The following EZH2 variants were observed in gnomAD, a reference collection of about 807,000 sequenced individuals.
EZH2 encodes the protein enhancer of zeste 2 polycomb repressive complex 2 subunit.
EZH2 carries 18 observed loss-of-function variants against 98.4 expected under a neutral mutation model. That is an observed-to-expected ratio of 0.18 (90% confidence interval 0.13 to 0.27). The LOEUF (loss-of-function observed/expected upper bound fraction) is 0.27, where lower values mean the gene tolerates loss of function less well. Among genes scored for constraint, EZH2 ranks in the 10% least tolerant of loss-of-function variants. EZH2 has a pLI of 1.00. For synonymous variants in EZH2, 338 were observed against 312.3 expected (o/e 1.08, Z -0.87); for missense variants, 470 against 935.1 (o/e 0.50, Z 6.49).
chr7:148,828,483 T>C (rs572165997), intron 6 of EZH2, among the ~76,000 whole-genome samples: 85 of 152,146 alleles, frequency 5.6e-4, no homozygotes, highest in African/African-American at 2.0e-3. Context: ...AGAGATGGGG[T>C]CTCACTATGT....
intron 3 of EZH2, among the ~76,000 whole-genome samples, chr7:148,839,840 C>T (rs1811984518): frequency 6.6e-6 from 1 of 152,152 alleles, no homozygotes. Flanking sequence ...AGCCACTGCA[C>T]CCAGCCAAAA....
At chr7:148,867,343 A>C (rs977654369) in intron 1 of EZH2, among the ~76,000 whole-genome samples, 10 of 152,014 alleles carry the variant, frequency 6.6e-5, no homozygotes, top group African/African-American at 2.4e-4. Flanking sequence ...TAAATAAATA[A>C]ATAATTTTAA....
chr7:148,818,235 T>A, intron 9 of EZH2, 118 bp from the exon 10 acceptor site: 1 of 1,043,410 alleles, frequency 9.6e-7, no homozygotes, highest in Non-Finnish European at 1.4e-6. Context: ...TATCCATTTA[T>A]CACAAATAAT....
intron 5 of EZH2, 101 bp downstream of exon 5, chr7:148,829,627 T>C (rs537256419): frequency 1.5e-6 from 2 of 1,331,550 alleles, no homozygotes; most frequent in Non-Finnish European, 2.1e-6. Context: ...CAAAACTTAA[T>C]TTTAATATTA....
At position 148,815,418 on chromosome 7, in the gene EZH2, A is replaced by G; in HGVS notation, c.1546+88T>C. The stretch of plus-strand genomic sequence containing the variant: ...GAAGGCAATTATATTAGAATAACCC[A>G]AGCTCTAATCCAGTTACTATTCTAA... On this transcript the variant is annotated intron_variant, in intron 13 of 19. Coordinates refer to ENST00000320356, the MANE Select transcript of EZH2 (RefSeq NM_004456.5). The G allele has an allele frequency of 2.2e-6, 3 of 1,361,864 alleles. No individual in the cohort carries two copies. The Admixed American group carries it at 5.1e-5, about 23-fold the overall frequency. The allele number at this position is 1,361,864 out of a possible 1,614,324, so 84.4% of individuals were successfully genotyped here. A position where few individuals can be genotyped will look rare whatever the true frequency, so the allele number is the denominator to read the frequency against.
intron 14 of EZH2, 88 bp from the exon 15 acceptor site, chr7:148,814,225 T>A (rs1457506150): frequency 1.1e-5 from 13 of 1,192,284 alleles, no homozygotes; most frequent in Non-Finnish European, 1.6e-5. Flanking sequence ...ACTGGGCATC[T>A]CACTGACTCT....
intron 1 of EZH2, among the ~76,000 whole-genome samples, chr7:148,875,786 C>T (rs1438045347): frequency 1.3e-5 from 2 of 152,194 alleles, no homozygotes; most frequent in African/African-American, 4.8e-5. Context: ...CAACAGCTGA[C>T]AACAGTCCTA....
chr7:148,877,597 G>A (rs1050068972), intron 1 of EZH2, among the ~76,000 whole-genome samples: 2 of 152,086 alleles, frequency 1.3e-5, no homozygotes, highest in Admixed American at 6.6e-5. Context: ...GACATCAAGA[G>A]GATAACACCC....
chr7:148,816,643 A>G (rs760312142), intron 12 of EZH2, 41 bp downstream of exon 12: 29 of 1,479,750 alleles, frequency 2.0e-5, no homozygotes, highest in Middle Eastern at 1.8e-4. Context: ...TGCAGTGTCT[A>G]TCTATGTTGA....
chr7:148,848,687 G>C (rs752233259), intron 1 of EZH2, among the ~76,000 whole-genome samples: 1 of 152,126 alleles, frequency 6.6e-6, no homozygotes, highest in African/African-American at 2.4e-5. Context: ...CCCAAGCAGT[G>C]TATACGAACT....
At chr7:148,869,415 G>A (rs1043282145) in intron 1 of EZH2, among the ~76,000 whole-genome samples, 4 of 140,392 alleles carry the variant, frequency 2.8e-5, no homozygotes, top group Admixed American at 7.9e-5. Context: ...GTGCAAACAC[G>A]GCTCACTGCA....
Position 148,826,327 on chromosome 7 carries a change from A to G in EZH2, c.907+127T>C, listed in dbSNP as rs533796424. The stretch of plus-strand genomic sequence containing the variant: ...CAACAAAGTAAAAATAATAATACTG[A>G]GATCTAAAGATATTTGTCAAAGTAA... On this transcript the variant is annotated intron_variant, in intron 8 of 19. Coordinates refer to ENST00000320356, the MANE Select transcript of EZH2 (RefSeq NM_004456.5). 160 of 680,922 alleles carry G rather than the reference A, an allele frequency of 2.3e-4. No homozygotes were observed. The African/African-American group carries it at 2.8e-3, about 12-fold the overall frequency. The allele number at this position is 680,922 out of a possible 1,614,324, so 42.2% of individuals were successfully genotyped here. A position where few individuals can be genotyped will look rare whatever the true frequency, so the allele number is the denominator to read the frequency against.
chr7:148,871,712 C>G (rs1369804948), intron 1 of EZH2, among the ~76,000 whole-genome samples: 3 of 151,670 alleles, frequency 2.0e-5, no homozygotes, highest in Non-Finnish European at 4.4e-5. Flanking sequence ...GTAGCTGAAA[C>G]TACAGGCGCA....
At chr7:148,837,792 T>A (rs780869413) in intron 3 of EZH2, among the ~76,000 whole-genome samples, 1 of 152,234 alleles carries the variant, frequency 6.6e-6, no homozygotes, top group African/African-American at 2.4e-5. Context: ...CAGATGTATT[T>A]AATGAAAGCA....
chr7:148,863,463 CCT>C (rs983214784), intron 1 of EZH2, among the ~76,000 whole-genome samples: 12 of 152,078 alleles, frequency 7.9e-5, no homozygotes, highest in East Asian at 7.7e-4. Context: ...AAACAAATTG[CCT>C]CTGTTTTCAC....
chr7:148,861,446 C>T (rs1414518527), intron 1 of EZH2, among the ~76,000 whole-genome samples: 1 of 151,518 alleles, frequency 6.6e-6, no homozygotes, highest in African/African-American at 2.4e-5. Context: ...AGGCTGGTCT[C>T]GAACTCCTGA....
Position 148,873,996 on chromosome 7 carries a change from T to C in EZH2, c.-8+10168A>G, listed in dbSNP as rs117472653. Among the ~76,000 whole-genome samples the C allele has an allele frequency of 7.9e-4, 120 of 152,250 alleles. 2 individuals are homozygous for C. The East Asian group carries it at 0.019, about 24-fold the overall frequency. On this transcript the variant is annotated intron_variant, in intron 1 of 19. Coordinates refer to ENST00000320356, the MANE Select transcript of EZH2 (RefSeq NM_004456.5). ...TGTTGAGATGCTAAAATAAGGAAGA[T>C]ATTCCAGAAAGAGGACAGGCACAGA...
intron 1 of EZH2, among the ~76,000 whole-genome samples, chr7:148,869,360 T>TTTTC (rs1818992598): frequency 8.9e-6 from 1 of 112,564 alleles, no homozygotes; most frequent in African/African-American, 3.2e-5. Flanking sequence ...TTTTTTTTTT[T>TTTTC]TTGGAGACAC....
chr7:148,828,806 C>T lies in EZH2; in HGVS notation c.559G>A (p.Asp187Asn), dbSNP rs1322202663. ...ALGQYNDDDDDDDGDDPEERE... is the reference protein window; with the variant it reads ...ALGQYNDDDDNDDGDDPEERE... ...TCTTCAGGATCGTCTCCATCATCAT[C>T]ATCGTCATCATCATTATATTGACCA... Residue 187 changes from aspartate (D) to asparagine (N), a missense_variant, in exon 6 of 20, where the codon GAT (aspartate) becomes AAT (asparagine). By Grantham distance (23) the Asp-to-Asn change is conservative. Transcript: ENST00000320356. 2 of 1,613,900 alleles carry T rather than the reference C, an allele frequency of 1.2e-6. No homozygotes were observed. Among genetic ancestry groups the T allele is most frequent in the Admixed American group, 1.7e-5 (1 of 60,002 alleles).
Sources: gnomAD v4.1 joint callset for allele counts (sites outside exome capture counted in the v4.1 genomes callset) on GRCh38, gnomAD v4.1.1 for gene constraint, MANE v1.5 for transcripts, NCBI Gene and HGNC (gene_info 2026-07-23, HGNC 2026-07-21) for gene names.